LRRTM4: variants seen among roughly 807,000 people sequenced by gnomAD.
LRRTM4 encodes leucine rich repeat transmembrane neuronal 4, also known as leucine-rich repeat transmembrane neuronal protein 4.
A neutral mutation model predicts 47.6 loss-of-function variants in LRRTM4; 25 were observed. That is an observed-to-expected ratio of 0.53 (90% CI 0.38 to 0.73). LRRTM4 has a LOEUF of 0.73. Ranked by LOEUF, LRRTM4 falls within the 30% of genes least tolerant of loss-of-function variation. The probability of loss-of-function intolerance (pLI) is 0.00; values close to 1 mark genes in which losing one functional copy is unlikely to be tolerated. For missense variants in LRRTM4, 638 were observed against 713.4 expected (o/e 0.89, Z 1.20); for synonymous variants, 311 against 269.5 (o/e 1.15, Z -1.51).
intron 3 of LRRTM4, among the ~76,000 whole-genome samples, chr2:76,953,908 G>C (rs905536268): frequency 2.6e-5 from 4 of 151,890 alleles, no homozygotes; most frequent in African/African-American, 9.7e-5. Context: ...GACAGTATCA[G>C]AGAACCTGCA....
intron 3 of LRRTM4, among the ~76,000 whole-genome samples, chr2:76,886,602 T>C (rs1423944111): frequency 6.6e-6 from 1 of 151,986 alleles, no homozygotes; most frequent in Non-Finnish European, 1.5e-5. Flanking sequence ...AGCGAAGAAA[T>C]TGAGAAATCA....
At chr2:77,233,959 C>T (rs892361389) in intron 3 of LRRTM4, among the ~76,000 whole-genome samples, 5 of 151,916 alleles carry the variant, frequency 3.3e-5, no homozygotes, top group Admixed American at 1.3e-4. Flanking sequence ...CATCATGTCC[C>T]GCAAATTTTT....
chr2:76,813,193 A>C (rs2103829350), intron 3 of LRRTM4, among the ~76,000 whole-genome samples: 1 of 152,238 alleles, frequency 6.6e-6, no homozygotes, highest in East Asian at 1.9e-4. Context: ...CAGCTCCACT[A>C]AAGGAGGAAT....
intron 3 of LRRTM4, chr2:77,517,663 G>A: frequency 1.0e-6 from 1 of 971,274 alleles, no homozygotes; most frequent in South Asian, 4.8e-5. Flanking sequence ...GGAAGGAAAG[G>A]AAGGAGTGAA....
At chr2:77,250,977 C>T (rs949020889) in intron 3 of LRRTM4, among the ~76,000 whole-genome samples, 1 of 151,838 alleles carries the variant, frequency 6.6e-6, no homozygotes, top group African/African-American at 2.4e-5. Context: ...GTGGTGCATG[C>T]CTGTAATCCC....
At chr2:76,973,284 CTATTT>C (rs912891723) in intron 3 of LRRTM4, among the ~76,000 whole-genome samples, 1 of 151,920 alleles carries the variant, frequency 6.6e-6, no homozygotes, top group African/African-American at 2.4e-5. Flanking sequence ...AGGCAATTTT[CTATTT>C]TATTATATTT....
At chr2:77,400,749 T>C (rs1345248117) in intron 3 of LRRTM4, among the ~76,000 whole-genome samples, 1 of 151,828 alleles carries the variant, frequency 6.6e-6, no homozygotes, top group Non-Finnish European at 1.5e-5. Context: ...CTGTCTTTCT[T>C]CCTGATCCTA....
At chr2:77,162,062 C>T (rs371998085) in intron 3 of LRRTM4, among the ~76,000 whole-genome samples, 1 of 152,148 alleles carries the variant, frequency 6.6e-6, no homozygotes, top group African/African-American at 2.4e-5. Context: ...CGGGAATTCC[C>T]TTTCCTAGAC....
chr2:77,068,986 A>C (rs1680057419), intron 3 of LRRTM4, among the ~76,000 whole-genome samples: 1 of 152,196 alleles, frequency 6.6e-6, no homozygotes, highest in Non-Finnish European at 1.5e-5. Context: ...ATATCTAGCC[A>C]GACCCACCCC....
chr2:76,959,772 A>G (rs1414877625), intron 3 of LRRTM4, among the ~76,000 whole-genome samples: 2 of 151,736 alleles, frequency 1.3e-5, no homozygotes, highest in African/African-American at 2.4e-5. Context: ...GGTGAGTAGC[A>G]AAGAGTGGGT....
At chr2:77,085,675 T>A (rs369845143) in intron 3 of LRRTM4, among the ~76,000 whole-genome samples, 18 of 152,264 alleles carry the variant, frequency 1.2e-4, no homozygotes, top group African/African-American at 4.3e-4. Flanking sequence ...GAAAAATGTG[T>A]CCGACTAAAC....
intron 3 of LRRTM4, among the ~76,000 whole-genome samples, chr2:76,906,958 G>C (rs1221855429): frequency 2.0e-5 from 3 of 151,930 alleles, no homozygotes; most frequent in Admixed American, 6.6e-5. Context: ...AGTTAACAAG[G>C]ATACCCAGGA....
intron 3 of LRRTM4, among the ~76,000 whole-genome samples, chr2:76,757,329 AAGTC>A (rs1186581327): frequency 2.0e-5 from 3 of 152,228 alleles, no homozygotes; most frequent in Admixed American, 1.3e-4. Context: ...TTTAACTTTT[AAGTC>A]AGTCAGGGGA....
chr2:77,467,256 T>C (rs1451163420), intron 3 of LRRTM4, among the ~76,000 whole-genome samples: 3 of 152,050 alleles, frequency 2.0e-5, no homozygotes, highest in Admixed American at 2.0e-4. Context: ...GTTCCTTTAT[T>C]TACTCATGTA....
rs1223725488 is a variant in LRRTM4 at position 77,175,132 on chromosome 2, C to G, written c.1551+343186G>C. Among the ~76,000 whole-genome samples the G allele has an allele frequency of 1.3e-4, 20 of 149,914 alleles. No homozygotes were observed. The Admixed American group carries it at 1.3e-3, about 10-fold the overall frequency. On this transcript the variant is annotated intron_variant, in intron 3 of 3. Coordinates refer to ENST00000409884, the MANE Select transcript of LRRTM4 (RefSeq NM_001134745.3). ...TCACACAGGCTGGAGTACAGTGACC[C>G]TATCTCTGCTCACTGCAACCTCCAC...
At chr2:77,075,923 A>AAAAAAAAAAAAAAAAAT (rs1680322851) in intron 3 of LRRTM4, among the ~76,000 whole-genome samples, 1 of 140,748 alleles carries the variant, frequency 7.1e-6, no homozygotes, top group Non-Finnish European at 1.5e-5. Flanking sequence ...TCAAAAAAAA[A>AAAAAAAAAAAAAAAAAT]AAAAAAAAAA....
At chr2:77,236,017 A>G (rs1351999904) in intron 3 of LRRTM4, among the ~76,000 whole-genome samples, 1 of 152,070 alleles carries the variant, frequency 6.6e-6, no homozygotes, top group Non-Finnish European at 1.5e-5. Flanking sequence ...TTTTCGTTCC[A>G]TATAAATTTT....
At position 77,517,244 on chromosome 2, in the gene LRRTM4, G is replaced by A. The variant is rs187138886; in HGVS notation, c.1551+1074C>T. ...CTTTTAAATTAAATAATCAGAAACC[G>A]GGTCCAAATTTATTCTTATAAAAAC... On this transcript the variant is annotated intron_variant, in intron 3 of 3. Coordinates refer to ENST00000409884, the MANE Select transcript of LRRTM4 (RefSeq NM_001134745.3). The A allele has an allele frequency of 1.6e-4, 153 of 984,548 alleles. No individual in the cohort carries two copies. The African/African-American group carries it at 2.4e-3, about 15-fold the overall frequency. 61.0% of individuals were successfully genotyped at this position (984,548 alleles called of 1,614,324 possible). A position where few individuals can be genotyped will look rare whatever the true frequency, so the allele number is the denominator to read the frequency against.
intron 3 of LRRTM4, among the ~76,000 whole-genome samples, chr2:77,116,714 A>AT (rs1298100102): frequency 6.6e-6 from 1 of 151,918 alleles, no homozygotes; most frequent in Non-Finnish European, 1.5e-5. Context: ...TCTTACTTTT[A>AT]TTTTTTTCCA....
Sources: allele counts gnomAD v4.1 joint callset (sites outside exome capture counted in the v4.1 genomes callset), GRCh38; gene constraint gnomAD v4.1.1; transcripts MANE v1.5; gene names NCBI Gene and HGNC (gene_info 2026-07-23, HGNC 2026-07-21).